BACH1: variants seen among roughly 807,000 people sequenced by gnomAD.
BACH1 encodes the protein BTB domain and CNC homolog 1.
BACH1 carries 35 observed loss-of-function variants against 52.9 expected under a neutral mutation model. The observed-to-expected ratio is 0.66, with a 90% confidence interval of 0.51 to 0.88. The LOEUF (loss-of-function observed/expected upper bound fraction) is 0.88. Ranked by LOEUF, BACH1 falls within the 40% of genes least tolerant of loss-of-function variation. BACH1 has a pLI of 0.00. For synonymous variants in BACH1, 321 were observed against 319.6 expected (o/e 1.00, Z -0.05); for missense variants, 808 against 872.6 (o/e 0.93, Z 0.93).
intron 1 of BACH1, among the ~76,000 whole-genome samples, chr21:29,308,098 T>C (rs1212618958): frequency 6.6e-6 from 1 of 152,232 alleles, no homozygotes. Flanking sequence ...CTATTTAAAC[T>C]GAGCTATATT....
chr21:29,311,505 T>C (rs2088721936), intron 1 of BACH1, among the ~76,000 whole-genome samples: 1 of 152,194 alleles, frequency 6.6e-6, no homozygotes, highest in African/African-American at 2.4e-5. Context: ...TTATGTGCAA[T>C]GTTTACTGGT....
intron 2 of BACH1, among the ~76,000 whole-genome samples, chr21:29,357,244 T>C (rs1416895836): frequency 6.6e-6 from 1 of 152,230 alleles, no homozygotes; most frequent in African/African-American, 2.4e-5. Flanking sequence ...TCAAGTACTG[T>C]TACTGTGGCA....
chr21:29,312,518 C>A (rs528459817), intron 1 of BACH1, among the ~76,000 whole-genome samples: 1 of 152,174 alleles, frequency 6.6e-6, no homozygotes, highest in African/African-American at 2.4e-5. Context: ...CATAGAAAAT[C>A]CTATGGAATC....
At chr21:29,357,756 G>A (rs972482261) in intron 2 of BACH1, among the ~76,000 whole-genome samples, 21 of 152,192 alleles carry the variant, frequency 1.4e-4, no homozygotes, top group Non-Finnish European at 2.9e-4. Flanking sequence ...TGCTCTCTCT[G>A]TGATGCATAA....
At chr21:29,331,759 T>G (rs1153295) in intron 4 of BACH1, among the ~76,000 whole-genome samples, 81,018 of 151,940 alleles carry the variant, frequency 0.53, 22,017 homozygotes, top group South Asian at 0.63. Flanking sequence ...CTTTATAGAT[T>G]AGGTGCTTAT....
chr21:29,327,737 C>T (rs1230345623), intron 3 of BACH1, among the ~76,000 whole-genome samples: 1 of 152,160 alleles, frequency 6.6e-6, no homozygotes, highest in Non-Finnish European at 1.5e-5. Flanking sequence ...AGGAGAAGCG[C>T]TTGAATGTGG....
intron 1 of BACH1, among the ~76,000 whole-genome samples, chr21:29,319,970 G>T (rs747500769): frequency 6.6e-6 from 1 of 151,980 alleles, no homozygotes; most frequent in African/African-American, 2.4e-5. Flanking sequence ...TTATATTCTC[G>T]TATGGGCCAA....
intron 2 of BACH1, among the ~76,000 whole-genome samples, chr21:29,324,617 G>C: frequency 6.8e-6 from 1 of 147,000 alleles, no homozygotes; most frequent in African/African-American, 2.5e-5. Flanking sequence ...TTTACCTATT[G>C]AAGGAAATCA....
chr21:29,327,536 G>A (rs1424148118), intron 3 of BACH1, 143 bp downstream of exon 3: 8 of 1,207,152 alleles, frequency 6.6e-6, no homozygotes, highest in Non-Finnish European at 9.0e-6. Context: ...TTGTAAGACT[G>A]TGTGATAGGG....
At chr21:29,318,539 C>T (rs565594830) in intron 1 of BACH1, among the ~76,000 whole-genome samples, 122 of 152,314 alleles carry the variant, frequency 8.0e-4, no homozygotes, top group Non-Finnish European at 1.4e-3. Context: ...GTTGGCATCT[C>T]GCCCAGGGGC....
chr21:29,317,559 G>A (rs1400061043), intron 1 of BACH1, among the ~76,000 whole-genome samples: 1 of 152,144 alleles, frequency 6.6e-6, no homozygotes, highest in Admixed American at 6.5e-5. Context: ...GCAAGAAAGG[G>A]GGGCAATGGC....
chr21:29,350,439 G>A (rs191859147), downstream of BACH1, among the ~76,000 whole-genome samples: 2 of 152,330 alleles, frequency 1.3e-5, no homozygotes, highest in East Asian at 1.9e-4. Flanking sequence ...GTAGCTTAGC[G>A]TGAGAGCCTA....
At chr21:29,360,845 CAAAA>C (rs561114811) in intron 2 of BACH1, among the ~76,000 whole-genome samples, 3 of 83,746 alleles carry the variant, frequency 3.6e-5, no homozygotes. Context: ...GACCCTGTCT[CAAAA>C]AAAAAAAAAA....
At chr21:29,361,085 A>G (rs1477705145) in intron 2 of BACH1, 1 of 152,280 alleles carries the variant, frequency 6.6e-6, no homozygotes, top group African/African-American at 2.4e-5. Context: ...CATCTCAAGC[A>G]GGACAATGGC....
At chr21:29,329,798 T>C (rs548294648) in intron 4 of BACH1, 105 bp downstream of exon 4, 2 of 799,800 alleles carry the variant, frequency 2.5e-6, no homozygotes, top group South Asian at 2.9e-5. Context: ...CAATTACTTA[T>C]TTTAATATGT....
At chr21:29,299,426 C>T (rs139754035) in intron 1 of BACH1, 2,126 of 152,752 alleles carry the variant, frequency 0.014, 38 homozygotes, top group Non-Finnish European at 0.019. Context: ...GTCTACTCAG[C>T]CCGGTGGCTG....
intron 2 of BACH1, among the ~76,000 whole-genome samples, chr21:29,354,773 T>A (rs1333979603): frequency 6.6e-6 from 1 of 152,214 alleles, no homozygotes; most frequent in Non-Finnish European, 1.5e-5. Flanking sequence ...GTAAGACTTC[T>A]GCTCAGGAGG....
rs747863102 is a variant in BACH1, at chr21:29,321,258, C to T, written c.-23C>T. 2.5e-6 allele frequency: 4 copies of T among 1,584,880 alleles called. No individual in the cohort carries two copies. In the African/African-American group the frequency reaches 5.4e-5, roughly 21 times the overall value. On this transcript the variant is annotated 5_prime_UTR_variant, in exon 2 of 5. Transcript: ENST00000286800. ...TAGAAGCATGCTTTCCACTGAACTT[C>T]CCGACAACATTTGTTATGCAGAATG...
intron 1 of BACH1, among the ~76,000 whole-genome samples, chr21:29,314,061 G>T (rs1045261865): frequency 2.6e-5 from 4 of 152,090 alleles, no homozygotes; most frequent in Non-Finnish European, 4.4e-5. Flanking sequence ...TTATTGATGT[G>T]GACCAATTCT....
Sources: allele counts gnomAD v4.1 joint callset (sites outside exome capture counted in the v4.1 genomes callset), GRCh38; gene constraint gnomAD v4.1.1; transcripts MANE v1.5; gene names NCBI Gene and HGNC (gene_info 2026-07-23, HGNC 2026-07-21).